Variants in GRIK4 observed in about 807,000 individuals in gnomAD.
The protein encoded by GRIK4 is glutamate ionotropic receptor kainate type subunit 4.
A neutral mutation model predicts 104.9 loss-of-function variants in GRIK4; 40 were observed. That is an observed-to-expected ratio of 0.38 (90% confidence interval 0.30 to 0.50). GRIK4 has a LOEUF of 0.50. Ranked by LOEUF, GRIK4 falls within the 20% of genes least tolerant of loss-of-function variation. GRIK4 has a pLI of 0.93. For missense variants in GRIK4, 1,047 were observed against 1,308.1 expected, an observed-to-expected ratio of 0.80 and a Z score of 3.08; for synonymous variants, 485 against 524.9, an observed-to-expected ratio of 0.92 and a Z score of 1.04.
chr11:120,822,778 A>G (rs1180401804), intron 6 of GRIK4, among the ~76,000 whole-genome samples: 1 of 152,138 alleles, frequency 6.6e-6, no homozygotes, highest in Non-Finnish European at 1.5e-5. Context: ...CCTTCATTCT[A>G]TTTCCTCCTA....
chr11:120,783,361 CT>C (rs1200595525), intron 3 of GRIK4, among the ~76,000 whole-genome samples: 1 of 152,092 alleles, frequency 6.6e-6, no homozygotes, highest in Non-Finnish European at 1.5e-5. Flanking sequence ...CTTGCTAATC[CT>C]GTATTTCTGT....
At chr11:120,724,188 G>T (rs1229253347) in intron 3 of GRIK4, among the ~76,000 whole-genome samples, 1 of 152,008 alleles carries the variant, frequency 6.6e-6, no homozygotes, top group Non-Finnish European at 1.5e-5. Flanking sequence ...TTGCTCTATT[G>T]CCCAGGCTGG....
intron 8 of GRIK4, among the ~76,000 whole-genome samples, chr11:120,851,357 C>T (rs1301203461): frequency 1.3e-5 from 2 of 152,182 alleles, no homozygotes; most frequent in East Asian, 3.8e-4. Flanking sequence ...AACTCCTCTT[C>T]CCACCTCTTT....
At position 120,940,200 on chromosome 11, in the gene GRIK4, G is replaced by C. The variant is rs1943689739; in HGVS notation, c.1477-147G>C. On this transcript the variant is annotated intron_variant, in intron 13 of 20. Coordinates refer to ENST00000527524, the MANE Select transcript of GRIK4 (RefSeq NM_014619.5). This position sits in a 1 kb window ranked among gnomAD's most constrained non-coding sequence, Gnocchi z 4.3. ...CTTTTATGAGTGATCATTCAGATCT[G>C]TATGCAGTGTTGACTTAGAGCCACT... is the stretch of plus-strand genomic sequence containing the variant. The C allele has an allele frequency of 3.3e-6, 2 of 608,124 alleles. No homozygotes were observed. Among genetic ancestry groups the C allele is most frequent in the Non-Finnish European group, 5.9e-6 (2 of 338,554 alleles). The allele number at this position is 608,124 out of a possible 1,614,324, so 37.7% of individuals were successfully genotyped here. A position where few individuals can be genotyped will look rare whatever the true frequency, so the allele number is the denominator to read the frequency against.
chr11:120,792,009 G>T (rs905431961), intron 3 of GRIK4, among the ~76,000 whole-genome samples: 3 of 152,144 alleles, frequency 2.0e-5, no homozygotes, highest in Non-Finnish European at 2.9e-5. Context: ...ATTGCATTGG[G>T]GATGGGAAGA....
intron 13 of GRIK4, among the ~76,000 whole-genome samples, chr11:120,923,611 C>A (rs1167167729): frequency 6.6e-6 from 1 of 152,026 alleles, no homozygotes; most frequent in African/African-American, 2.4e-5. Flanking sequence ...GACGGGGTTT[C>A]ACCCTGTTAG....
At chr11:120,962,374 G>A in intron 17 of GRIK4, 82 bp from the exon 18 acceptor site, 1 of 875,630 alleles carries the variant, frequency 1.1e-6, no homozygotes, top group Non-Finnish European at 1.8e-6. Context: ...GGCATCTTAA[G>A]GTGCACTTTG....
intron 1 of GRIK4, among the ~76,000 whole-genome samples, chr11:120,633,565 G>A (rs1949357271): frequency 6.6e-6 from 1 of 152,200 alleles, no homozygotes; most frequent in South Asian, 2.1e-4. Flanking sequence ...AGGGACCGGG[G>A]AAGCTTTTAA....
At chr11:120,897,601 C>CAAAAAAAAAAAAAAA (rs56807699) in intron 11 of GRIK4, among the ~76,000 whole-genome samples, 296 of 13,052 alleles carry the variant, frequency 0.023, 93 homozygotes, top group East Asian at 0.083. Context: ...GACTCCTTCT[C>CAAAAAAAAAAAAAAA]AAAAAAAAAA....
intron 1 of GRIK4, among the ~76,000 whole-genome samples, chr11:120,522,353 G>C (rs948239395): frequency 6.6e-6 from 1 of 150,806 alleles, no homozygotes; most frequent in Non-Finnish European, 1.5e-5. Context: ...ATGGAGTCTC[G>C]CTCGGTTGCC....
chr11:120,552,999 CAA>C (rs1948154265), intron 1 of GRIK4, among the ~76,000 whole-genome samples: 1 of 91,420 alleles, frequency 1.1e-5, no homozygotes, highest in African/African-American at 4.7e-5. Flanking sequence ...GACTCCGTCT[CAA>C]AAAAAGAAAA....
chr11:120,841,930 A>G (rs1036299591), intron 8 of GRIK4, among the ~76,000 whole-genome samples: 1 of 152,222 alleles, frequency 6.6e-6, no homozygotes, highest in African/African-American at 2.4e-5. Context: ...ATAATGAGGG[A>G]AAGTAGCTGA....
chr11:120,700,835 G>A (rs1266597633), intron 3 of GRIK4, among the ~76,000 whole-genome samples: 5 of 152,030 alleles, frequency 3.3e-5, no homozygotes, highest in East Asian at 1.9e-4. Flanking sequence ...CAGGGGATCC[G>A]TCCGCCTCAG....
At position 120,830,012 on chromosome 11, in the gene GRIK4, T is replaced by G. The variant is rs544273322; in HGVS notation, c.512-1840T>G. Among the ~76,000 whole-genome samples, 65 of 152,210 alleles carry G rather than the reference T, an allele frequency of 4.3e-4. 1 individual carries two copies. In the South Asian group the frequency reaches 7.9e-3, roughly 18 times the overall value. On this transcript the variant is annotated intron_variant, in intron 6 of 20. Transcript: ENST00000527524. Reference sequence around the variant, plus strand: ...ACAGCTGGGCTGTTTCTGAAGCATCTTAATAAATAACAGGCCTTCCCAGGG... The same window carrying G: ...ACAGCTGGGCTGTTTCTGAAGCATCGTAATAAATAACAGGCCTTCCCAGGG...
At chr11:120,867,073 C>T (rs555409516) in intron 9 of GRIK4, among the ~76,000 whole-genome samples, 11 of 152,138 alleles carry the variant, frequency 7.2e-5, no homozygotes, top group East Asian at 1.9e-4. Flanking sequence ...TGGAGTAGAA[C>T]GTACATCTGT....
intron 1 of GRIK4, among the ~76,000 whole-genome samples, chr11:120,539,095 C>CT (rs953752878): frequency 6.6e-6 from 1 of 152,166 alleles, no homozygotes; most frequent in African/African-American, 2.4e-5. Flanking sequence ...GGGGAACTCT[C>CT]TAAGATTTCG....
At chr11:120,787,539 G>T (rs901002046) in intron 3 of GRIK4, among the ~76,000 whole-genome samples, 1 of 148,484 alleles carries the variant, frequency 6.7e-6, no homozygotes. Flanking sequence ...ATCTCGGCTC[G>T]CTGCAACCTC....
intron 13 of GRIK4, among the ~76,000 whole-genome samples, chr11:120,929,529 G>C (rs1025334387): frequency 2.6e-5 from 4 of 152,212 alleles, no homozygotes; most frequent in African/African-American, 7.2e-5. Flanking sequence ...AATTTGAAAT[G>C]GGCTGAGATA....
At chr11:120,514,174 C>T (rs890999827) in intron 1 of GRIK4, among the ~76,000 whole-genome samples, 8 of 152,082 alleles carry the variant, frequency 5.3e-5, no homozygotes, top group Non-Finnish European at 8.8e-5. Flanking sequence ...GTGTGGCTGG[C>T]GAGGGTGGGC....
Sources: allele counts gnomAD v4.1 joint callset (sites outside exome capture counted in the v4.1 genomes callset), GRCh38; gene constraint gnomAD v4.1.1; non-coding constraint Gnocchi (gnomAD v3.1); transcripts MANE v1.5; gene names NCBI Gene and HGNC (gene_info 2026-07-23, HGNC 2026-07-21).